Variants in SLC12A9 observed in about 807,000 individuals in gnomAD.
The protein encoded by SLC12A9 is CCC-interacting protein 1.
Under a neutral mutation model 66.0 loss-of-function variants are expected in SLC12A9, and 55 were observed. The observed-to-expected ratio is 0.83, with a 90% CI of 0.67 to 1.04. The LOEUF (loss-of-function observed/expected upper bound fraction) is 1.04, where lower values mean the gene tolerates loss of function less well. SLC12A9 is among the 50% of genes least tolerant of loss of function. The pLI is 0.00. For missense variants in SLC12A9, 1,061 were observed against 1,241.9 expected, an observed-to-expected ratio of 0.85 and a Z score of 2.19; for synonymous variants, 577 against 569.0, an observed-to-expected ratio of 1.01 and a Z score of -0.20.
chr7:100,837,753 A>C (rs909025610), intron 1 of SLC12A9, among the ~76,000 whole-genome samples: 8 of 151,752 alleles, frequency 5.3e-5, no homozygotes, highest in Admixed American at 3.3e-4. Flanking sequence ...CGAACTCTTG[A>C]CCTCAAGTGA....
At chr7:100,856,512 C>G in intron 4 of SLC12A9, 1 of 99,744 alleles carries the variant, frequency 1.0e-5, no homozygotes, top group Non-Finnish European at 2.2e-5. Flanking sequence ...CCTGCCCCTT[C>G]TTCTTTTTTT....
chr7:100,840,574 A>G (rs983079700), intron 1 of SLC12A9, among the ~76,000 whole-genome samples: 11 of 152,186 alleles, frequency 7.2e-5, no homozygotes, highest in Non-Finnish European at 7.4e-5. Context: ...GACCAGCAGA[A>G]AGAGAGAAAG....
intron 6 of SLC12A9, 36 bp downstream of exon 6, chr7:100,858,978 G>C (rs905548963): frequency 3.7e-6 from 6 of 1,613,064 alleles, no homozygotes; most frequent in African/African-American, 1.3e-5. Flanking sequence ...TGGGGGTTTG[G>C]GGCTGCCACC....
At chr7:100,847,897 C>T (rs1337143864), upstream of SLC12A9, among the ~76,000 whole-genome samples, 1 of 150,864 alleles carries the variant, frequency 6.6e-6, no homozygotes, top group Non-Finnish European at 1.5e-5. Context: ...ACCAGCCTGG[C>T]CAACATGGCG....
At position 100,858,906 on chromosome 7, in the gene SLC12A9, G is replaced by C; in HGVS notation, c.829G>C (p.Gly277Arg). 6.2e-7 allele frequency: 1 copy of C among 1,614,156 alleles called. No individual in the cohort carries two copies. Among genetic ancestry groups the C allele is most frequent in the Non-Finnish European group, 8.5e-7 (1 of 1,180,020 alleles). The change falls in exon 6 of 14, where the codon GGC becomes CGC. Residue 277 changes from glycine to arginine, a missense_variant. Transcript: ENST00000354161. The stretch of plus-strand genomic sequence containing the variant: ...CAGCGTCTTTGCTGTCCTCTTTAAC[G>C]GCTGTACAGGCATCATGGCTGGGGC... The part of the protein sequence containing the change: ...FASVFAVLFN[G>R]CTGIMAGANM...
chr7:100,844,607 CTTAAA>C (rs1293329766), intron 1 of SLC12A9, among the ~76,000 whole-genome samples: 1 of 151,808 alleles, frequency 6.6e-6, no homozygotes, highest in African/African-American at 2.4e-5. Context: ...ATTTAAGCCA[CTTAAA>C]TTAAAAAAAA....
intron 7 of SLC12A9, chr7:100,859,541 G>C (rs1198781516): frequency 2.7e-6 from 1 of 376,222 alleles, no homozygotes; most frequent in Non-Finnish European, 4.9e-6. Flanking sequence ...CAGAGCAAGA[G>C]CCTCCCCCCA....
chr7:100,842,684 A>G (rs1283312401), intron 1 of SLC12A9, among the ~76,000 whole-genome samples: 1 of 152,262 alleles, frequency 6.6e-6, no homozygotes, highest in Non-Finnish European at 1.5e-5. Context: ...ACAGGATACC[A>G]ACATGCAAAT....
At chr7:100,849,025 G>A (rs1332703578), upstream of SLC12A9, among the ~76,000 whole-genome samples, 3 of 148,790 alleles carry the variant, frequency 2.0e-5, no homozygotes, top group Admixed American at 6.8e-5. Flanking sequence ...TTGCTCTGTC[G>A]CCTAGGTGGG....
At chr7:100,860,091 G>T (rs770392116) in intron 8 of SLC12A9, 49 bp downstream of exon 8, 12 of 1,614,146 alleles carry the variant, frequency 7.4e-6, no homozygotes, top group South Asian at 6.6e-5. Context: ...TCCCTTGTCT[G>T]TCTCTCCGTC....
intron 13 of SLC12A9, chr7:100,865,474 A>C: frequency 6.5e-7 from 1 of 1,533,200 alleles, no homozygotes; most frequent in East Asian, 2.4e-5. Flanking sequence ...TCCTAAGGCG[A>C]ACTTTGCCTG....
Position 100,859,928 on chromosome 7 carries a change from C to T in SLC12A9, c.1021C>T (p.Leu341=). The change falls in exon 8 of 14, where the codon CTG becomes TTG. Residue 341 remains leucine, a synonymous_variant. Transcript: ENST00000354161. ...CTATGGGTTCTTCCGCGCCATCAGC[C>T]TGTGGCCCCCACTGGTGTTGATCGG... is the stretch of plus-strand genomic sequence containing the variant. ...EDYGFFRAIS[L]WPPLVLIGIY... 1 of 1,610,006 alleles carries T rather than the reference C, an allele frequency of 6.2e-7. No individual in the cohort carries two copies. The highest frequency in any genetic ancestry group is 8.5e-7 in the Non-Finnish European group (1 of 1,176,504).
At position 100,866,932 on chromosome 7, in the gene SLC12A9, G is replaced by A. The variant is rs539627199; in HGVS notation, c.*327G>A. 5 of 334,404 alleles carry A rather than the reference G, an allele frequency of 1.5e-5. No individual in the cohort carries two copies. The highest frequency in any genetic ancestry group is 1.5e-4 in the East Asian group (3 of 20,432). 20.7% of individuals were successfully genotyped at this position (334,404 alleles called of 1,614,324 possible). Reference sequence around the variant, plus strand: ...TTTCCCCATTTTGGCCAGACTCACCGGCCCACTGGGGTGGTGATGTTTTCG... The same window carrying A: ...TTTCCCCATTTTGGCCAGACTCACCAGCCCACTGGGGTGGTGATGTTTTCG... On this transcript the variant is annotated 3_prime_UTR_variant, in exon 14 of 14. Coordinates refer to ENST00000354161, the MANE Select transcript of SLC12A9 (RefSeq NM_020246.4). This position sits in a 1 kb window ranked among gnomAD's most constrained non-coding sequence, Gnocchi z 7.3.
chr7:100,843,645 C>T lies in SLC12A9; in HGVS notation n.229-16240C>T, dbSNP rs560856807. On this transcript the variant is annotated intron_variant and non_coding_transcript_variant, in intron 1 of 1. Coordinates refer to the SLC12A9 transcript ENST00000461016. ...GCCCTAGCAGCAATGGCCCTGTTAG[C>T]ACAAGAAGCAGATAAACTAACCCTT... is the stretch of plus-strand genomic sequence containing the variant. 2.8e-3 allele frequency among the ~76,000 whole-genome samples: 430 copies of T among 152,348 alleles called. 1 individual carries two copies. The highest frequency in any genetic ancestry group is 4.6e-3 in the Admixed American group (71 of 15,296).
At chr7:100,833,944 AAAAAAAAAAAAAAAAAAG>A (rs1238362053) in intron 1 of SLC12A9, among the ~76,000 whole-genome samples, 50 of 92,224 alleles carry the variant, frequency 5.4e-4, no homozygotes, top group Admixed American at 2.0e-3. Flanking sequence ...AAAAAAAAAA[AAAAAAAAAAAAAAAAAAG>A]AAAGAAGGAA....
upstream of SLC12A9, among the ~76,000 whole-genome samples, chr7:100,851,829 A>C (rs1814092986): frequency 6.7e-6 from 1 of 149,298 alleles, no homozygotes; most frequent in Non-Finnish European, 1.5e-5. Flanking sequence ...GAAACTTTCC[A>C]AGCTCCAATT....
chr7:100,857,295 G>A, intron 5 of SLC12A9, 119 bp downstream of exon 5: 1 of 1,137,898 alleles, frequency 8.8e-7, no homozygotes, highest in Non-Finnish European at 1.2e-6. Flanking sequence ...CAGGAGGTCT[G>A]GACTGCAGAG....
intron 1 of SLC12A9, among the ~76,000 whole-genome samples, chr7:100,853,799 G>C (rs946539502): frequency 1.3e-5 from 2 of 152,016 alleles, no homozygotes; most frequent in Non-Finnish European, 2.9e-5. Flanking sequence ...TGTGATGTCG[G>C]CTCACTGCAA....
At position 100,865,989 on chromosome 7, in the gene SLC12A9, G is replaced by T. The variant is rs375468688; in HGVS notation, c.2129G>T (p.Arg710Leu). The stretch of plus-strand genomic sequence containing the variant: ...GCCAGCGGGGCCTTGCCCCCTGAGC[G>T]GCTGAGCCGGGGGTCTGGGGGCACC... Reference protein sequence around the residue: ...ARASGALPPERLSRGSGGTSQ... With the variant: ...ARASGALPPELLSRGSGGTSQ... The change falls in exon 14 of 14, where the codon CGG becomes CTG. Residue 710 changes from arginine (R) to leucine (L), a missense_variant. Transcript: ENST00000354161. The T allele has an allele frequency of 9.9e-6, 16 of 1,612,604 alleles. No individual in the cohort carries two copies. Among genetic ancestry groups the T allele is most frequent in the Non-Finnish European group, 1.4e-5 (16 of 1,179,762 alleles).
Sources: allele counts gnomAD v4.1 joint callset (sites outside exome capture counted in the v4.1 genomes callset), GRCh38; gene constraint gnomAD v4.1.1; non-coding constraint Gnocchi (gnomAD v3.1); transcripts MANE v1.5; gene names NCBI Gene and HGNC (gene_info 2026-07-23, HGNC 2026-07-21).